Variants in CNDP2 observed in about 807,000 individuals in gnomAD.
The protein encoded by CNDP2 is carnosine dipeptidase 2, also known as cytosolic non-specific dipeptidase.
CNDP2 carries 38 observed loss-of-function variants against 55.0 expected under a neutral mutation model. The observed-to-expected ratio is 0.69, with a 90% CI of 0.53 to 0.90. The LOEUF (loss-of-function observed/expected upper bound fraction) is 0.90, where lower values mean the gene tolerates loss of function less well. Ranked by LOEUF, CNDP2 falls within the 40% of genes least tolerant of loss-of-function variation. The probability of loss-of-function intolerance (pLI) is 0.00; values close to 1 mark genes in which losing one functional copy is unlikely to be tolerated. For synonymous variants in CNDP2, 241 were observed against 260.2 expected, an observed-to-expected ratio of 0.93 and a Z score of 0.71; for missense variants, 607 against 621.7, an observed-to-expected ratio of 0.98 and a Z score of 0.25.
chr18:74,505,618 T>G lies in CNDP2; in HGVS notation c.205-231T>G, dbSNP rs555042796. On this transcript the variant is annotated intron_variant, in intron 3 of 11. Coordinates refer to ENST00000324262, the MANE Select transcript of CNDP2 (RefSeq NM_018235.3). The stretch of plus-strand genomic sequence containing the variant: ...TGTCTCAAAAAAAAAAAAAAAAAAT[T>G]TACCAAACTGCCTGCAATTGGCAAA... Among the ~76,000 whole-genome samples, 705 of 151,204 alleles carry G rather than the reference T, an allele frequency of 4.7e-3. 3 individuals carry two copies. The highest frequency in any genetic ancestry group is 0.017 in the Middle Eastern group (5 of 292).
In CNDP2 at chr18:74,510,829, T is replaced by C; in HGVS notation, c.473T>C (p.Val158Ala). The C allele has an allele frequency of 1.2e-6, 2 of 1,613,858 alleles. No homozygotes were observed. The highest frequency in any genetic ancestry group is 1.7e-6 in the Non-Finnish European group (2 of 1,179,906). Residue 158 changes from valine to alanine, a missense_variant, in exon 6 of 12, where the codon GTC becomes GCC. Transcript: ENST00000324262. ...TTCTCACAGGAGATTCCTGTCAACGTCCGATTCTGCCTCGAAGGCATGGAG... is the reference window on the plus strand; with the variant it reads ...TTCTCACAGGAGATTCCTGTCAACGCCCGATTCTGCCTCGAAGGCATGGAG... ...QKTGQEIPVNVRFCLEGMEES... is the reference protein window; with the variant it reads ...QKTGQEIPVNARFCLEGMEES...
chr18:74,514,142 C>G (rs908183341), intron 8 of CNDP2, among the ~76,000 whole-genome samples: 1 of 152,170 alleles, frequency 6.6e-6, no homozygotes, highest in Non-Finnish European at 1.5e-5. Context: ...TAGGTTTATG[C>G]GGTACATATG....
rs1979946777 is a variant in CNDP2 at position 74,519,868 on chromosome 18, G to A, written c.1359-131G>A. 23 of 732,118 alleles carry A rather than the reference G, an allele frequency of 3.1e-5. 1 individual carries two copies. Among genetic ancestry groups the A allele is most frequent in the Middle Eastern group, 7.8e-4 (2 of 2,566 alleles). The allele number at this position is 732,118 out of a possible 1,614,324, so 45.4% of individuals were successfully genotyped here. ...ATTCTGAAGGCAAGCAGGGCTCAGGGCCCCCAAGCTGGGATGGGGGATGCT... is the reference window on the plus strand; with the variant it reads ...ATTCTGAAGGCAAGCAGGGCTCAGGACCCCCAAGCTGGGATGGGGGATGCT... On this transcript the variant is annotated intron_variant, in intron 11 of 11. Transcript: ENST00000324262.
Position 74,501,393 on chromosome 18 carries a change from G to A in CNDP2, c.125G>A (p.Arg42Lys), listed in dbSNP as rs754338772. 6 of 1,614,136 alleles carry A rather than the reference G, an allele frequency of 3.7e-6. No individual in the cohort carries two copies. The Admixed American group carries it at 1.0e-4, about 27-fold the overall frequency. The change falls in exon 3 of 12, where the codon AGG becomes AAG. Residue 42 changes from arginine (R) to lysine (K), a missense_variant. Arg to Lys is a conservative substitution (Grantham distance 26). Coordinates refer to ENST00000324262, the MANE Select transcript of CNDP2 (RefSeq NM_018235.3). The part of the protein sequence containing the change: ...SAWPEKRGEI[R>K]RMMEVAAADV... ...TGGCCGGAGAAGAGAGGCGAAATCA[G>A]GAGGATGATGGAAGTTGCTGCTGCA...
At chr18:74,508,757 G>A (rs1979174465) in intron 4 of CNDP2, 83 bp from the exon 5 acceptor site, 6 of 1,091,198 alleles carry the variant, frequency 5.5e-6, no homozygotes, top group Non-Finnish European at 8.5e-6. Flanking sequence ...TTGGCTAAGG[G>A]GTTATCAGAT....
At chr18:74,519,233 G>C in intron 11 of CNDP2, 137 bp downstream of exon 11, 1 of 1,176,164 alleles carries the variant, frequency 8.5e-7, no homozygotes, top group East Asian at 2.6e-5. Context: ...CTGTATTTGT[G>C]TGAAGTGGGA....
rs1978597333 is a variant in CNDP2, at chr18:74,499,897, C to G, written c.-77C>G. ...TTCTGGGCAGGTCGCCCCTCAGTCT[C>G]CACTAGAGACAGGACTGACCAGTTG... On this transcript the variant is annotated 5_prime_UTR_variant, in exon 2 of 12. Coordinates refer to ENST00000324262, the MANE Select transcript of CNDP2 (RefSeq NM_018235.3). 15 of 1,358,846 alleles carry G rather than the reference C, an allele frequency of 1.1e-5. No homozygotes were observed. The highest frequency in any genetic ancestry group is 1.8e-5 in the Admixed American group (1 of 54,872). 84.2% of individuals were successfully genotyped at this position (1,358,846 alleles called of 1,614,324 possible).
Position 74,510,902 on chromosome 18 carries a change from C to T in CNDP2, c.546C>T (p.Asp182=). The T allele has an allele frequency of 1.9e-6, 3 of 1,614,196 alleles. No homozygotes were observed. Among genetic ancestry groups the T allele is most frequent in the Non-Finnish European group, 2.5e-6 (3 of 1,180,018 alleles). Residue 182 remains aspartate, a synonymous_variant, in exon 6 of 12, where the codon GAC becomes GAT. Coordinates refer to ENST00000324262, the MANE Select transcript of CNDP2 (RefSeq NM_018235.3). ...ACGAGCTGATTTTTGCCCGGAAAGA[C>T]ACATTCTTTAAGGATGTGGACTATG... ...GLDELIFARK[D]TFFKDVDYVC...
intron 3 of CNDP2, among the ~76,000 whole-genome samples, chr18:74,503,162 G>A (rs4891559): frequency 0.33 from 49,850 of 150,368 alleles, 9,297 homozygotes; most frequent in African/African-American, 0.51. Flanking sequence ...TATTTACTTC[G>A]TTGATCACTG....
chr18:74,520,955 T>G lies in CNDP2; in HGVS notation c.*887T>G, dbSNP rs1272016790. On this transcript the variant is annotated 3_prime_UTR_variant, in exon 12 of 12. Coordinates refer to ENST00000324262, the MANE Select transcript of CNDP2 (RefSeq NM_018235.3). ...GGAAATGAGGAAAGAAATTAGGGCCTCCTCTGATCTCTCGCTATCTGCGGG... is the reference window on the plus strand; with the variant it reads ...GGAAATGAGGAAAGAAATTAGGGCCGCCTCTGATCTCTCGCTATCTGCGGG... 2.0e-5 allele frequency: 3 copies of G among 152,234 alleles called. No individual in the cohort carries two copies. The highest frequency in any genetic ancestry group is 1.9e-4 in the East Asian group (1 of 5,192). The allele number at this position is 152,234 out of a possible 1,614,324, so 9.4% of individuals were successfully genotyped here. A position where few individuals can be genotyped will look rare whatever the true frequency, so the allele number is the denominator to read the frequency against.
chr18:74,517,960 G>A (rs1374852052), intron 9 of CNDP2: 2 of 152,206 alleles, frequency 1.3e-5, no homozygotes, highest in Non-Finnish European at 2.9e-5. Flanking sequence ...AAATAACTGG[G>A]TTTTATTTTT....
rs1980116639 is a variant in CNDP2 at position 74,522,617 on chromosome 18, C to G, written c.*2549C>G. ...AGTGGGCTTGTTTGGCCTCCTCTTGCTCTCTCTACCCCTCTCTGAGCCCTT... is the reference window on the plus strand; with the variant it reads ...AGTGGGCTTGTTTGGCCTCCTCTTGGTCTCTCTACCCCTCTCTGAGCCCTT... On this transcript the variant is annotated 3_prime_UTR_variant, in exon 12 of 12. Transcript: ENST00000324262. 1.3e-5 allele frequency: 2 copies of G among 152,304 alleles called. No homozygotes were observed. Among genetic ancestry groups the G allele is most frequent in the South Asian group, 4.1e-4 (2 of 4,838 alleles). The allele number at this position is 152,304 out of a possible 1,614,324, so 9.4% of individuals were successfully genotyped here. A position where few individuals can be genotyped will look rare whatever the true frequency, so the allele number is the denominator to read the frequency against.
chr18:74,500,642 C>G (rs1280714128), intron 2 of CNDP2, among the ~76,000 whole-genome samples: 1 of 152,180 alleles, frequency 6.6e-6, no homozygotes, highest in African/African-American at 2.4e-5. Context: ...CTTTTGTACT[C>G]TAGTTCTTGG....
At chr18:74,510,341 C>G in intron 5 of CNDP2, among the ~76,000 whole-genome samples, 2 of 152,276 alleles carry the variant, frequency 1.3e-5, no homozygotes, top group South Asian at 4.1e-4. Flanking sequence ...GGGTCAGAGT[C>G]GGGAGAGCAC....
rs1368377806 is a variant in CNDP2 at position 74,520,381 on chromosome 18, C to T, written c.*313C>T. On this transcript the variant is annotated 3_prime_UTR_variant, in exon 12 of 12. Transcript: ENST00000324262. ...CGGAAAGTTCTGGTTGTCGGCCGGG[C>T]ACCACGGCTCACACCTATAATCGAG... 6.1e-6 allele frequency: 2 copies of T among 327,148 alleles called. No individual in the cohort carries two copies. The highest frequency in any genetic ancestry group is 4.3e-5 in the African/African-American group (2 of 46,168). The allele number at this position is 327,148 out of a possible 1,614,324, so 20.3% of individuals were successfully genotyped here. A position where few individuals can be genotyped will look rare whatever the true frequency, so the allele number is the denominator to read the frequency against.
Position 74,516,369 on chromosome 18 carries a change from A to G in CNDP2, c.1045A>G (p.Thr349Ala), listed in dbSNP as rs745941406. 3.3e-5 allele frequency: 53 copies of G among 1,611,558 alleles called. No homozygotes were observed. The highest frequency in any genetic ancestry group is 4.5e-5 in the Non-Finnish European group (53 of 1,178,702). Residue 349 changes from threonine (T) to alanine (A), a missense_variant, in exon 9 of 12, where the codon ACT becomes GCT. By Grantham distance (58) the Thr-to-Ala change is moderately conservative (BLOSUM62 0). Transcript: ENST00000324262. ...CTCCATCAGGCTCGTGCCGAACATG[A>G]CTCCTGAAGTCGTCGGCGAGCAGGC... ...KFSIRLVPNM[T>A]PEVVGEQVTS... is the part of the protein sequence containing the mutation.
At chr18:74,510,528 G>T (rs959012534) in intron 5 of CNDP2, among the ~76,000 whole-genome samples, 1 of 152,170 alleles carries the variant, frequency 6.6e-6, no homozygotes. Context: ...TCCTCGTGTC[G>T]TGGCCCTTAT....
Position 74,500,866 on chromosome 18 carries a change from C to T in CNDP2, c.61-463C>T, listed in dbSNP as rs759922315. 1.4e-4 allele frequency among the ~76,000 whole-genome samples: 21 copies of T among 152,310 alleles called. 1 individual carries two copies. The highest frequency in any genetic ancestry group is 9.2e-4 in the Admixed American group (14 of 15,296). ...GATTGATTTGAGCAAGCAGGCAGTA[C>T]GTGACAGGGGCTGTATGCACCGGTG... On this transcript the variant is annotated intron_variant, in intron 2 of 11. Transcript: ENST00000324262.
chr18:74,500,386 A>C (rs1254668932), intron 2 of CNDP2, among the ~76,000 whole-genome samples: 1 of 152,226 alleles, frequency 6.6e-6, no homozygotes. Flanking sequence ...TTATGTTTTA[A>C]AGTTATTCTT....
Sources: allele counts gnomAD v4.1 joint callset (sites outside exome capture counted in the v4.1 genomes callset), GRCh38; gene constraint gnomAD v4.1.1; transcripts MANE v1.5; gene names NCBI Gene and HGNC (gene_info 2026-07-23, HGNC 2026-07-21).